Variants in NFX1 observed in about 807,000 individuals in gnomAD.
NFX1 encodes transcriptional repressor NF-X1.
In NFX1, 69 loss-of-function variants were observed where a neutral mutation model predicts 137.2. The observed-to-expected ratio is 0.50, with a 90% confidence interval of 0.41 to 0.61. The LOEUF (loss-of-function observed/expected upper bound fraction) is 0.61. NFX1 is among the 20% of genes least tolerant of loss of function. The pLI is 0.00. For synonymous variants in NFX1, 495 were observed against 474.1 expected (o/e 1.04, Z -0.57); for missense variants, 1,167 against 1,391.0 (o/e 0.84, Z 2.56).
intron 7 of NFX1, among the ~76,000 whole-genome samples, chr9:33,316,622 C>T (rs12351915): frequency 0.057 from 8,612 of 152,178 alleles, 758 homozygotes; most frequent in African/African-American, 0.19. Flanking sequence ...AGTTTATCTT[C>T]TTGAATTATA....
chr9:33,313,791 A>G lies in NFX1; in HGVS notation c.1586A>G (p.Gln529Arg). 6.2e-7 allele frequency: 1 copy of G among 1,613,540 alleles called. No individual in the cohort carries two copies. The highest frequency in any genetic ancestry group is 8.5e-7 in the Non-Finnish European group (1 of 1,179,692). ...QCQPCQIILN[Q>R]VCYCGSTSRD... The stretch of plus-strand genomic sequence containing the variant: ...CAGCCTTGCCAGATCATTTTGAACC[A>G]GGGTAAGTGGTGGGCACACCAGCTA... Residue 529 changes from glutamine to arginine, a missense_variant and splice_region_variant, in exon 7 of 24, where the codon CAG becomes CGG. Transcript: ENST00000379540.
chr9:33,323,962 G>A lies in NFX1; in HGVS notation c.1907-4619G>A, dbSNP rs565334516. 2.0e-5 allele frequency among the ~76,000 whole-genome samples: 3 copies of A among 152,212 alleles called. No homozygotes were observed. The South Asian group carries it at 6.2e-4, about 32-fold the overall frequency. On this transcript the variant is annotated intron_variant, in intron 9 of 23. Transcript: ENST00000379540. ...ATAACCGAAATGCAAAATTCATTAG[G>A]CTGGGTACCGTGGCTTATGCCTGAA...
At chr9:33,368,037 C>T (rs1319287230) in intron 23 of NFX1, among the ~76,000 whole-genome samples, 1 of 152,196 alleles carries the variant, frequency 6.6e-6, no homozygotes, top group Non-Finnish European at 1.5e-5. Context: ...AGTTCGAGAC[C>T]AGCCTGGCCA....
chr9:33,362,692 GTTTTTTTTTTTTT>G (rs750544815), intron 19 of NFX1, among the ~76,000 whole-genome samples: 1 of 96,302 alleles, frequency 1.0e-5, no homozygotes. Context: ...AGTTCCTGTG[GTTTTTTTTTTTTT>G]TTTTTTTTTT....
At chr9:33,353,798 C>G (rs780994575) in intron 17 of NFX1, among the ~76,000 whole-genome samples, 6 of 149,294 alleles carry the variant, frequency 4.0e-5, no homozygotes, top group African/African-American at 7.4e-5. Flanking sequence ...AAGTGATTCT[C>G]CTGCTTCAGC....
intron 20 of NFX1, 97 bp downstream of exon 20, chr9:33,364,205 C>A: frequency 1.4e-6 from 1 of 722,696 alleles, no homozygotes; most frequent in Non-Finnish European, 2.2e-6. Context: ...TGTGATTAAG[C>A]CAGTTCAAGT....
At chr9:33,368,998 C>T (rs1352296967) in intron 23 of NFX1, among the ~76,000 whole-genome samples, 3 of 152,202 alleles carry the variant, frequency 2.0e-5, no homozygotes, top group Admixed American at 6.5e-5. Flanking sequence ...CTGCCAGAGT[C>T]GGGTCCAGTC....
intron 20 of NFX1, 121 bp downstream of exon 20, chr9:33,364,229 T>G: frequency 1.6e-6 from 1 of 623,366 alleles, no homozygotes; most frequent in Non-Finnish European, 2.7e-6. Flanking sequence ...TTTGTTTATC[T>G]ATTGTAAGAG....
At chr9:33,364,578 A>T in intron 20 of NFX1, 130 bp from the exon 21 acceptor site, 1 of 1,045,852 alleles carries the variant, frequency 9.6e-7, no homozygotes, top group South Asian at 1.9e-5. Context: ...CTGTTTTCTG[A>T]CAATTCCTGA....
chr9:33,294,706 A>G lies in NFX1; in HGVS notation c.312A>G (p.Gln104=). 6.2e-7 allele frequency: 1 copy of G among 1,614,134 alleles called. No homozygotes were observed. Among genetic ancestry groups the G allele is most frequent in the Non-Finnish European group, 8.5e-7 (1 of 1,180,022 alleles). The change falls in exon 2 of 24, where the codon CAA becomes CAG. Residue 104 remains glutamine, a synonymous_variant. Coordinates refer to ENST00000379540, the MANE Select transcript of NFX1 (RefSeq NM_002504.6). ...KSPKSHGLQN[Q]PWQKLRNEKH... Reference sequence around the variant, plus strand: ...CCAAGAGCCATGGCCTTCAGAATCAACCTTGGCAGAAATTGAGGAATGAGA... The same window carrying G: ...CCAAGAGCCATGGCCTTCAGAATCAGCCTTGGCAGAAATTGAGGAATGAGA...
At chr9:33,343,879 C>T (rs1027960406) in intron 13 of NFX1, among the ~76,000 whole-genome samples, 190 bp from the exon 14 acceptor site, 1 of 152,048 alleles carries the variant, frequency 6.6e-6, no homozygotes, top group Non-Finnish European at 1.5e-5. Flanking sequence ...CTGTTCATGC[C>T]TTTTTCACCA....
intron 2 of NFX1, among the ~76,000 whole-genome samples, chr9:33,300,892 C>G (rs137932885): frequency 6.6e-6 from 1 of 152,334 alleles, no homozygotes; most frequent in Non-Finnish European, 1.5e-5. Flanking sequence ...TAACCTAAAT[C>G]CATGGATCTG....
chr9:33,369,065 T>C (rs1824251521), intron 23 of NFX1, among the ~76,000 whole-genome samples: 1 of 151,934 alleles, frequency 6.6e-6, no homozygotes, highest in Non-Finnish European at 1.5e-5. Flanking sequence ...CTATCTTTTT[T>C]CTTTTTTTCT....
intron 1 of NFX1, among the ~76,000 whole-genome samples, chr9:33,293,787 G>C (rs1336405471): frequency 1.3e-5 from 2 of 152,146 alleles, no homozygotes; most frequent in Non-Finnish European, 2.9e-5. Context: ...GATTATAGAG[G>C]TTATGTATGG....
At chr9:33,363,943 C>T (rs1824091614) in intron 19 of NFX1, 67 bp from the exon 20 acceptor site, 2 of 1,032,410 alleles carry the variant, frequency 1.9e-6, no homozygotes, top group African/African-American at 1.6e-5. Context: ...ATAGTAGGCA[C>T]TCGGGGTTAC....
chr9:33,350,006 C>CA (rs554420424), intron 15 of NFX1, among the ~76,000 whole-genome samples: 45 of 151,130 alleles, frequency 3.0e-4, no homozygotes, highest in African/African-American at 8.0e-4. Flanking sequence ...GATTCTGCCT[C>CA]AAAAAAAACA....
intron 5 of NFX1, among the ~76,000 whole-genome samples, chr9:33,309,061 TAAG>T (rs1564108827): frequency 6.6e-6 from 1 of 152,138 alleles, no homozygotes; most frequent in African/African-American, 2.4e-5. Flanking sequence ...AATTCAGTAA[TAAG>T]AAGTTAATCC....
At chr9:33,349,136 C>T (rs1289047429) in intron 15 of NFX1, among the ~76,000 whole-genome samples, 1 of 152,174 alleles carries the variant, frequency 6.6e-6, no homozygotes, top group Non-Finnish European at 1.5e-5. Context: ...ATTAAGACTT[C>T]ATTCAACAGA....
At chr9:33,357,512 T>G (rs1823850796) in intron 19 of NFX1, among the ~76,000 whole-genome samples, 1 of 151,954 alleles carries the variant, frequency 6.6e-6, no homozygotes, top group South Asian at 2.1e-4. Flanking sequence ...CCTTTACATT[T>G]CCACTTAATG....
Sources: gnomAD v4.1 joint callset for allele counts (sites outside exome capture counted in the v4.1 genomes callset) on GRCh38, gnomAD v4.1.1 for gene constraint, MANE v1.5 for transcripts, NCBI Gene and HGNC (gene_info 2026-07-23, HGNC 2026-07-21) for gene names.